The following SKAP1 variants were observed in gnomAD, a reference collection of about 807,000 sequenced individuals.
SKAP1 encodes src kinase-associated phosphoprotein 1.
Under a neutral mutation model 58.5 loss-of-function variants are expected in SKAP1, and 44 were observed. That is an observed-to-expected ratio of 0.75 (90% CI 0.59 to 0.97). The LOEUF is 0.97. Ranked by LOEUF, SKAP1 falls within the 50% of genes least tolerant of loss-of-function variation. The probability of loss-of-function intolerance (pLI) is 0.00; values close to 1 mark genes in which losing one functional copy is unlikely to be tolerated. For missense variants in SKAP1, 390 were observed against 435.2 expected (o/e 0.90, Z 0.92); for synonymous variants, 127 against 149.7 (o/e 0.85, Z 1.11).
intron 11 of SKAP1, among the ~76,000 whole-genome samples, chr17:48,145,859 C>A (rs1281387767): frequency 6.6e-6 from 1 of 152,098 alleles, no homozygotes; most frequent in Non-Finnish European, 1.5e-5. Flanking sequence ...CTCAGTGAAT[C>A]CTAGGCTGTT....
intron 2 of SKAP1, among the ~76,000 whole-genome samples, chr17:48,364,144 A>G (rs2066972822): frequency 6.6e-6 from 1 of 152,184 alleles, no homozygotes; most frequent in Admixed American, 6.5e-5. Flanking sequence ...TGTTGTGACA[A>G]TCTGGCCTGT....
At chr17:48,193,295 G>C (rs933074469) in intron 4 of SKAP1, among the ~76,000 whole-genome samples, 3 of 151,972 alleles carry the variant, frequency 2.0e-5, no homozygotes, top group Non-Finnish European at 1.5e-5. Context: ...CAGCCGCCTC[G>C]GCCTCCCAAA....
At chr17:48,375,160 T>C (rs557037083) in intron 2 of SKAP1, among the ~76,000 whole-genome samples, 9 of 152,204 alleles carry the variant, frequency 5.9e-5, no homozygotes, top group Admixed American at 2.0e-4. Flanking sequence ...CCGGGTTCTT[T>C]TGGGGGATGT....
chr17:48,406,123 G>C (rs1371834878), intron 1 of SKAP1, among the ~76,000 whole-genome samples: 2 of 150,846 alleles, frequency 1.3e-5, no homozygotes, highest in Admixed American at 6.6e-5. Context: ...AAATTAGTCG[G>C]GCGTGGTGGC....
At chr17:48,219,834 A>AT (rs368906154) in intron 4 of SKAP1, among the ~76,000 whole-genome samples, 204 of 152,324 alleles carry the variant, frequency 1.3e-3, no homozygotes, top group African/African-American at 4.5e-3. Flanking sequence ...GCAGCCACAG[A>AT]TAACAGTTCA....
At chr17:48,182,355 A>G in intron 8 of SKAP1, 39 bp downstream of exon 8, 1 of 1,433,512 alleles carries the variant, frequency 7.0e-7, no homozygotes, top group Non-Finnish European at 9.7e-7. Flanking sequence ...TTCAACTGCA[A>G]ATCAACTCAA....
chr17:48,195,493 T>C (rs962046330), intron 4 of SKAP1, among the ~76,000 whole-genome samples: 1 of 152,192 alleles, frequency 6.6e-6, no homozygotes, highest in Non-Finnish European at 1.5e-5. Context: ...AGGTGAAAAA[T>C]TCTAAAACAT....
chr17:48,223,167 G>A (rs60707285), intron 4 of SKAP1, among the ~76,000 whole-genome samples: 24,387 of 151,680 alleles, frequency 0.16, 2,656 homozygotes, highest in African/African-American at 0.3. Flanking sequence ...ATTCCTGTGT[G>A]GTTTTGGAGA....
chr17:48,261,065 C>G (rs746207311), intron 4 of SKAP1, among the ~76,000 whole-genome samples: 4 of 152,186 alleles, frequency 2.6e-5, no homozygotes, highest in Non-Finnish European at 4.4e-5. Context: ...GCAATTATCA[C>G]ATTTTAGAAT....
At chr17:48,332,701 A>G (rs1217121919) in intron 4 of SKAP1, among the ~76,000 whole-genome samples, 1 of 152,178 alleles carries the variant, frequency 6.6e-6, no homozygotes, top group Admixed American at 6.5e-5. Context: ...TATAGCTTTC[A>G]TGGAGACATT....
At chr17:48,227,592 G>T (rs957883225) in intron 4 of SKAP1, among the ~76,000 whole-genome samples, 3 of 152,160 alleles carry the variant, frequency 2.0e-5, no homozygotes, top group Admixed American at 6.5e-5. Flanking sequence ...GAAAATAAAA[G>T]AATTTTAGAA....
At chr17:48,193,491 C>A (rs935245459) in intron 4 of SKAP1, among the ~76,000 whole-genome samples, 2 of 152,202 alleles carry the variant, frequency 1.3e-5, no homozygotes, top group Non-Finnish European at 2.9e-5. Context: ...AGATCAGTCT[C>A]TAGTCTACTA....
chr17:48,342,312 A>G (rs2066664040), intron 4 of SKAP1, among the ~76,000 whole-genome samples: 1 of 152,200 alleles, frequency 6.6e-6, no homozygotes, highest in South Asian at 2.1e-4. Flanking sequence ...TACAAAGGAA[A>G]AGGAGAAGGA....
intron 4 of SKAP1, among the ~76,000 whole-genome samples, chr17:48,253,944 T>A (rs1214905488): frequency 6.6e-6 from 1 of 152,132 alleles, no homozygotes; most frequent in Non-Finnish European, 1.5e-5. Flanking sequence ...TGGAAGGAGA[T>A]TCTGCCAGTT....
At chr17:48,215,521 T>C (rs2064928089) in intron 4 of SKAP1, among the ~76,000 whole-genome samples, 1 of 152,188 alleles carries the variant, frequency 6.6e-6, no homozygotes, top group African/African-American at 2.4e-5. Flanking sequence ...CTTTGGGCTT[T>C]TTAAAAAGGT....
At chr17:48,376,499 T>A (rs78035571) in intron 2 of SKAP1, among the ~76,000 whole-genome samples, 1 of 152,234 alleles carries the variant, frequency 6.6e-6, no homozygotes, top group Non-Finnish European at 1.5e-5. Flanking sequence ...TCGGCTATCA[T>A]GCCTTTGATA....
chr17:48,398,543 T>C (rs1221298045), intron 1 of SKAP1, among the ~76,000 whole-genome samples: 2 of 151,998 alleles, frequency 1.3e-5, no homozygotes, highest in African/African-American at 4.8e-5. Flanking sequence ...CCACCCCCGG[T>C]CCATGGAAAA....
chr17:48,337,834 T>C (rs961213455), intron 4 of SKAP1, among the ~76,000 whole-genome samples: 9 of 152,170 alleles, frequency 5.9e-5, no homozygotes, highest in Non-Finnish European at 1.2e-4. Context: ...CAAAGCCATT[T>C]GGAGGCTGCA....
rs17621326 is a variant in SKAP1, at chr17:48,269,365, G to C, written c.280+76540C>G. Among the ~76,000 whole-genome samples, 1,177 of 152,160 alleles carry C rather than the reference G, an allele frequency of 7.7e-3. 10 individuals carry two copies. The highest frequency in any genetic ancestry group is 0.012 in the Non-Finnish European group (810 of 68,004). The stretch of plus-strand genomic sequence containing the variant: ...CAACTATCTGTCTACACCAGGACTA[G>C]AGATCTATACTAGTCCACTAGATAC... On this transcript the variant is annotated intron_variant, in intron 4 of 12. Coordinates refer to ENST00000336915, the MANE Select transcript of SKAP1 (RefSeq NM_003726.4).
Sources: allele counts gnomAD v4.1 joint callset (sites outside exome capture counted in the v4.1 genomes callset), GRCh38; gene constraint gnomAD v4.1.1; transcripts MANE v1.5; gene names NCBI Gene and HGNC (gene_info 2026-07-23, HGNC 2026-07-21).